Variants in JAK2 observed in about 807,000 individuals in gnomAD.
JAK2 encodes the protein Janus kinase 2, also known as tyrosine-protein kinase JAK2.
JAK2 carries 86 observed loss-of-function variants against 139.3 expected under a neutral mutation model. That is an observed-to-expected ratio of 0.62 (90% CI 0.52 to 0.74). The LOEUF (loss-of-function observed/expected upper bound fraction) is 0.74. JAK2 is among the 30% of genes least tolerant of loss of function. The pLI is 0.00. For missense variants in JAK2, 1,421 were observed against 1,360.3 expected, an observed-to-expected ratio of 1.04 and a Z score of -0.70; for synonymous variants, 490 against 437.7, an observed-to-expected ratio of 1.12 and a Z score of -1.49.
intron 4 of JAK2, among the ~76,000 whole-genome samples, chr9:5,030,218 G>A (rs527368207): frequency 9.9e-5 from 15 of 152,262 alleles, no homozygotes; most frequent in South Asian, 8.3e-4. Context: ...TTGGGATATT[G>A]CTGGTTTGTG....
intron 5 of JAK2, among the ~76,000 whole-genome samples, chr9:5,046,356 G>C (rs959988627): frequency 1.3e-5 from 2 of 151,950 alleles, no homozygotes; most frequent in Admixed American, 6.6e-5. Context: ...CATTCTCTAG[G>C]TTGCCTTTTC....
intron 19 of JAK2, 41 bp downstream of exon 19, chr9:5,081,902 C>T: frequency 2.0e-6 from 3 of 1,520,774 alleles, no homozygotes; most frequent in Non-Finnish European, 2.7e-6. Flanking sequence ...ATAATCATTT[C>T]ATTTAGGAAA....
rs2230722 is a variant in JAK2, at chr9:5,050,706, C to T, written c.489C>T (p.His163=). The change falls in exon 6 of 25, where the codon CAC becomes CAT. Residue 163 remains histidine (H), a synonymous_variant. Coordinates refer to ENST00000381652, the MANE Select transcript of JAK2 (RefSeq NM_004972.4). The stretch of plus-strand genomic sequence containing the variant: ...TTTAGTGGCGGCATGATTTTGTGCA[C>T]GGATGGATAAAAGTACCTGTGACTC... The part of the protein sequence containing the change: ...LFAQWRHDFV[H]GWIKVPVTHE... 0.31 allele frequency: 500,274 copies of T among 1,611,558 alleles called. 79,438 individuals are homozygous for T. Among genetic ancestry groups the T allele is most frequent in the African/African-American group, 0.47 (35,295 of 74,792 alleles).
At chr9:5,117,800 A>AT (rs1274410088) in intron 22 of JAK2, among the ~76,000 whole-genome samples, 1 of 152,210 alleles carries the variant, frequency 6.6e-6, no homozygotes, top group Non-Finnish European at 1.5e-5. Context: ...GAAGCCTGAG[A>AT]TCAAAAGCTT....
chr9:5,085,827 G>A, intron 19 of JAK2: 2 of 760,436 alleles, frequency 2.6e-6, no homozygotes. Flanking sequence ...TGATCGAAAG[G>A]CTTTTCCTTT....
chr9:5,041,710 A>C, intron 4 of JAK2: 1 of 504,034 alleles, frequency 2.0e-6, no homozygotes, highest in Non-Finnish European at 4.0e-6. Flanking sequence ...TTCGACTCTG[A>C]GTACGAGGGG....
At chr9:5,046,560 T>C (rs1817022197) in intron 5 of JAK2, among the ~76,000 whole-genome samples, 1 of 152,214 alleles carries the variant, frequency 6.6e-6, no homozygotes, top group African/African-American at 2.4e-5. Context: ...TGGGTCCATT[T>C]TGAGTTAATT....
At chr9:5,005,699 T>C (rs1265978653) in intron 2 of JAK2, among the ~76,000 whole-genome samples, 1 of 152,230 alleles carries the variant, frequency 6.6e-6, no homozygotes, top group Non-Finnish European at 1.5e-5. Flanking sequence ...GTGTTTTTTA[T>C]TTTCTATTTC....
At chr9:5,126,040 T>A (rs753284534) in intron 23 of JAK2, 2 of 218,978 alleles carry the variant, frequency 9.1e-6, no homozygotes, top group African/African-American at 2.3e-5. Flanking sequence ...GATAAAAATA[T>A]GAGTTTTTTA....
chr9:5,071,338 C>T (rs1400418206), intron 12 of JAK2, among the ~76,000 whole-genome samples: 1 of 151,986 alleles, frequency 6.6e-6, no homozygotes, highest in South Asian at 2.1e-4. Context: ...GACCAACAAA[C>T]ATCAAAATTA....
chr9:5,040,177 C>A (rs925951124), intron 4 of JAK2, among the ~76,000 whole-genome samples: 2 of 152,032 alleles, frequency 1.3e-5, no homozygotes, highest in African/African-American at 4.8e-5. Context: ...GATTTTTGAT[C>A]AGGGTGCCAA....
intron 6 of JAK2, 115 bp downstream of exon 6, chr9:5,050,946 C>G: frequency 1.2e-6 from 1 of 843,708 alleles, no homozygotes; most frequent in African/African-American, 1.8e-5. Flanking sequence ...GTTAAGTACT[C>G]CTTATCTAAA....
intron 5 of JAK2, among the ~76,000 whole-genome samples, chr9:5,045,813 A>C (rs141516167): frequency 1.3e-5 from 2 of 152,266 alleles, no homozygotes; most frequent in East Asian, 3.9e-4. Flanking sequence ...TTGTTCATTC[A>C]TCTGTTGATG....
rs1159805463 is a variant in JAK2, at chr9:5,113,890, C to G, written c.3060-9114C>G. 4 of 218,032 alleles carry G rather than the reference C, an allele frequency of 1.8e-5. No individual in the cohort carries two copies. The South Asian group carries it at 2.6e-4, about 14-fold the overall frequency. The allele number at this position is 218,032 out of a possible 1,614,324, so 13.5% of individuals were successfully genotyped here. A position where few individuals can be genotyped will look rare whatever the true frequency, so the allele number is the denominator to read the frequency against. ...CACCCTCCCCACCGTGAAGATCTTACAGTCCTCCTGTGATGGCAGTGGACA... is the reference window on the plus strand; with the variant it reads ...CACCCTCCCCACCGTGAAGATCTTAGAGTCCTCCTGTGATGGCAGTGGACA... On this transcript the variant is annotated intron_variant, in intron 22 of 24. Coordinates refer to ENST00000381652, the MANE Select transcript of JAK2 (RefSeq NM_004972.4).
chr9:5,030,087 T>C (rs1823045204), intron 4 of JAK2, among the ~76,000 whole-genome samples, 181 bp downstream of exon 4: 1 of 152,234 alleles, frequency 6.6e-6, no homozygotes, highest in Admixed American at 6.5e-5. Flanking sequence ...TTATACATGT[T>C]GTGTAAGTAG....
Position 5,029,780 on chromosome 9 carries a change from T to G in JAK2, c.227-3T>G, listed in dbSNP as rs749005257. 1 of 1,602,778 alleles carries G rather than the reference T, an allele frequency of 6.2e-7. No individual in the cohort carries two copies. Among genetic ancestry groups the G allele is most frequent in the Non-Finnish European group, 8.5e-7 (1 of 1,175,114 alleles). ...ATAATTCCTTTCTCTGCTTCTTTTC[T>G]AGGTATCACACCTGTGTATCATAAT... On this transcript the variant is annotated splice_region_variant and splice_polypyrimidine_tract_variant and intron_variant, in intron 3 of 24. Transcript: ENST00000381652.
intron 22 of JAK2, chr9:5,110,818 ATC>A: frequency 2.3e-6 from 1 of 439,796 alleles, no homozygotes; most frequent in African/African-American, 2.0e-5. Flanking sequence ...GCCCTGCTGC[ATC>A]GCCCGTTTGT....
chr9:4,987,594 G>T (rs1462482495), intron 2 of JAK2, among the ~76,000 whole-genome samples: 1 of 151,356 alleles, frequency 6.6e-6, no homozygotes, highest in Non-Finnish European at 1.5e-5. Context: ...AAATTAGCCG[G>T]GCGTGGTGGT....
chr9:5,071,864 G>C (rs1168722583), intron 12 of JAK2, among the ~76,000 whole-genome samples: 2 of 152,138 alleles, frequency 1.3e-5, no homozygotes, highest in Non-Finnish European at 2.9e-5. Flanking sequence ...CAGAGTGCAG[G>C]CTTTCAACAA....
Sources: gnomAD v4.1 joint callset for allele counts (sites outside exome capture counted in the v4.1 genomes callset) on GRCh38, gnomAD v4.1.1 for gene constraint, MANE v1.5 for transcripts, NCBI Gene and HGNC (gene_info 2026-07-23, HGNC 2026-07-21) for gene names.